The following UBR1 variants were observed in gnomAD, a reference collection of about 807,000 sequenced individuals.
UBR1 encodes E3 ubiquitin-protein ligase UBR1.
Under a neutral mutation model 242.1 loss-of-function variants are expected in UBR1, and 102 were observed. That is an observed-to-expected ratio of 0.42 (90% CI 0.36 to 0.50). UBR1 has a LOEUF of 0.50. Among genes scored for constraint, UBR1 ranks in the 20% least tolerant of loss-of-function variants. UBR1 has a pLI of 0.01. For synonymous variants in UBR1, 675 were observed against 684.8 expected (o/e 0.99, Z 0.22); for missense variants, 1,772 against 2,101.8 (o/e 0.84, Z 3.07).
At chr15:42,954,515 T>C (rs539356698) in intron 44 of UBR1, among the ~76,000 whole-genome samples, 98 of 152,276 alleles carry the variant, frequency 6.4e-4, no homozygotes, top group African/African-American at 2.3e-3. Flanking sequence ...TCCTGAGTCA[T>C]TCCGCAGGGC....
intron 42 of UBR1, among the ~76,000 whole-genome samples, chr15:42,961,665 T>C (rs1403276407): frequency 6.6e-6 from 1 of 151,962 alleles, no homozygotes; most frequent in Non-Finnish European, 1.5e-5. Context: ...ACTCTTGACC[T>C]CAGGTGATTT....
chr15:42,948,590 AAAC>A, intron 46 of UBR1, among the ~76,000 whole-genome samples: 1 of 150,638 alleles, frequency 6.6e-6, no homozygotes, highest in African/African-American at 2.4e-5. Flanking sequence ...TACAAGAAAC[AAAC>A]AAACAACCCC....
In UBR1 at chr15:43,079,642, T is replaced by C. The variant is rs957515901; in HGVS notation, c.417+2996A>G. ...AAAAATACAAAAAAAATTAGCCGGGTATGGTGGTGGGCGCCTGTAGTCCCA... is the reference window on the plus strand; with the variant it reads ...AAAAATACAAAAAAAATTAGCCGGGCATGGTGGTGGGCGCCTGTAGTCCCA... On this transcript the variant is annotated intron_variant, in intron 3 of 46. Transcript: ENST00000290650. 2.0e-5 allele frequency among the ~76,000 whole-genome samples: 3 copies of C among 151,424 alleles called. No homozygotes were observed. In the East Asian group the frequency reaches 5.8e-4, roughly 29 times the overall value.
At chr15:43,033,143 T>C (rs1166113225) in intron 19 of UBR1, among the ~76,000 whole-genome samples, 3 of 152,144 alleles carry the variant, frequency 2.0e-5, no homozygotes, top group Non-Finnish European at 4.4e-5. Flanking sequence ...TAAAAACATT[T>C]TTTGGCCAGG....
intron 8 of UBR1, 44 bp downstream of exon 8, chr15:43,059,658 C>A (rs1381064569): frequency 6.2e-7 from 1 of 1,601,540 alleles, no homozygotes; most frequent in Admixed American, 1.7e-5. Flanking sequence ...CTATAAAACA[C>A]ATAGTATTTT....
At chr15:43,016,457 A>G (rs1005226355) in intron 28 of UBR1, among the ~76,000 whole-genome samples, 4 of 152,230 alleles carry the variant, frequency 2.6e-5, no homozygotes, top group Non-Finnish European at 4.4e-5. Flanking sequence ...ATTTCATTGA[A>G]TCTAAGATAT....
rs182365809 is a variant in UBR1, at chr15:42,969,911, G to A, written c.4457+609C>T. 9.9e-4 allele frequency among the ~76,000 whole-genome samples: 151 copies of A among 152,104 alleles called. 1 individual carries two copies. Among genetic ancestry groups the A allele is most frequent in the Non-Finnish European group, 5.9e-5 (4 of 67,962 alleles). ...AAGAATCAATGTCGTGAAAATGGTC[G>A]TACTGCTCAAAGTAATTTATAGATT... is the stretch of plus-strand genomic sequence containing the variant. On this transcript the variant is annotated intron_variant, in intron 40 of 46. Coordinates refer to ENST00000290650, the MANE Select transcript of UBR1 (RefSeq NM_174916.3).
At chr15:43,002,421 A>C in intron 32 of UBR1, 134 bp downstream of exon 32, 11 of 1,010,708 alleles carry the variant, frequency 1.1e-5, no homozygotes, top group Non-Finnish European at 1.6e-5. Context: ...GGGTTTTACC[A>C]TGTTACCCAG....
chr15:43,046,420 T>C (rs1172536853), intron 14 of UBR1, among the ~76,000 whole-genome samples: 1 of 152,196 alleles, frequency 6.6e-6, no homozygotes, highest in Non-Finnish European at 1.5e-5. Flanking sequence ...GAGTCCTGTG[T>C]GTTTATAGAC....
chr15:43,011,741 C>T (rs1413465278), intron 29 of UBR1, among the ~76,000 whole-genome samples: 2 of 152,100 alleles, frequency 1.3e-5, no homozygotes, highest in Non-Finnish European at 2.9e-5. Flanking sequence ...AAATTTTAAC[C>T]CAGCCCTTTC....
intron 39 of UBR1, among the ~76,000 whole-genome samples, chr15:42,975,754 C>T (rs77541575): frequency 0.024 from 3,703 of 151,750 alleles, 143 homozygotes; most frequent in African/African-American, 0.084. Context: ...AGTGCCATGG[C>T]GTAAAGGCAC....
intron 1 of UBR1, among the ~76,000 whole-genome samples, chr15:43,093,551 C>CA (rs1242450457): frequency 2.0e-5 from 3 of 152,066 alleles, no homozygotes; most frequent in Non-Finnish European, 4.4e-5. Flanking sequence ...GAGGCCAAGG[C>CA]AGGCAGATCA....
intron 14 of UBR1, among the ~76,000 whole-genome samples, chr15:43,045,024 T>C (rs1596116803): frequency 1.3e-5 from 2 of 152,224 alleles, no homozygotes; most frequent in Non-Finnish European, 2.9e-5. Flanking sequence ...CCAGTTAATG[T>C]TGAACATATA....
intron 6 of UBR1, among the ~76,000 whole-genome samples, chr15:43,061,506 G>A (rs2033684103): frequency 6.6e-6 from 1 of 152,052 alleles, no homozygotes; most frequent in Non-Finnish European, 1.5e-5. Context: ...TAAAGAAACT[G>A]TGATAGATAT....
chr15:43,093,185 T>A (rs900164927), intron 1 of UBR1, among the ~76,000 whole-genome samples: 4 of 152,240 alleles, frequency 2.6e-5, no homozygotes, highest in African/African-American at 9.6e-5. Context: ...AGATATGTTT[T>A]CAACTCTGAC....
At chr15:42,972,766 GC>G (rs2032227989) in intron 39 of UBR1, among the ~76,000 whole-genome samples, 1 of 152,300 alleles carries the variant, frequency 6.6e-6, no homozygotes, top group African/African-American at 2.4e-5. Context: ...TGTCTTGGTT[GC>G]TTCCAAGTTT....
chr15:43,091,070 C>T (rs2034100477), intron 1 of UBR1, among the ~76,000 whole-genome samples: 1 of 152,114 alleles, frequency 6.6e-6, no homozygotes, highest in Non-Finnish European at 1.5e-5. Context: ...ACCCGAGTAG[C>T]TAGGATTACA....
In UBR1 at chr15:42,963,913, C is replaced by A. The variant is rs757026625; in HGVS notation, c.4700+22G>T. On this transcript the variant is annotated intron_variant, in intron 42 of 46. Coordinates refer to ENST00000290650, the MANE Select transcript of UBR1 (RefSeq NM_174916.3). ...TTCAAATTGTATAATAACCCAACAA[C>A]AATATTTTATCCCCATAGTACCTCT... 7.2e-5 allele frequency: 111 copies of A among 1,536,236 alleles called. No homozygotes were observed. In the East Asian group the frequency reaches 2.5e-3, roughly 35 times the overall value.
At chr15:42,971,526 T>C (rs1054042157) in intron 39 of UBR1, among the ~76,000 whole-genome samples, 2 of 152,232 alleles carry the variant, frequency 1.3e-5, no homozygotes, top group Non-Finnish European at 2.9e-5. Context: ...TGCTCTGTTG[T>C]TTTAAAAATG....
Sources: gnomAD v4.1 joint callset for allele counts (sites outside exome capture counted in the v4.1 genomes callset) on GRCh38, gnomAD v4.1.1 for gene constraint, MANE v1.5 for transcripts, NCBI Gene and HGNC (gene_info 2026-07-23, HGNC 2026-07-21) for gene names.